Variants in MCF2L2 observed in about 807,000 individuals in gnomAD.
The protein encoded by MCF2L2 is MCF.2 cell line derived transforming sequence-like 2, also known as probable guanine nucleotide exchange factor MCF2L2.
Under a neutral mutation model 150.2 loss-of-function variants are expected in MCF2L2, and 102 were observed. The ratio of observed to expected loss-of-function variants is 0.68; its 90% CI spans 0.58 to 0.80. The LOEUF is 0.80. MCF2L2 is among the 30% of genes least tolerant of loss of function. The pLI, the probability that MCF2L2 is intolerant of heterozygous loss-of-function variation, is 0.00. For synonymous variants in MCF2L2, 465 were observed against 491.3 expected, an observed-to-expected ratio of 0.95 and a Z score of 0.71; for missense variants, 1,256 against 1,372.8, an observed-to-expected ratio of 0.91 and a Z score of 1.34.
At chr3:183,379,235 CCACA>C in intron 3 of MCF2L2, 58 bp downstream of exon 3, 1 of 1,261,072 alleles carries the variant, frequency 7.9e-7, no homozygotes, top group Non-Finnish European at 1.1e-6. Context: ...CCCAGCCCTG[CCACA>C]TGGGAAGTGT....
Position 183,179,696 on chromosome 3 carries a change from G to C in MCF2L2, c.3106-4C>G, listed in dbSNP as rs367642924. 2.3e-5 allele frequency: 37 copies of C among 1,612,132 alleles called. No individual in the cohort carries two copies. In the African/African-American group the frequency reaches 3.6e-4, roughly 16 times the overall value. On this transcript the variant is annotated splice_region_variant and splice_polypyrimidine_tract_variant and intron_variant, in intron 28 of 29. Coordinates refer to ENST00000328913, the MANE Select transcript of MCF2L2 (RefSeq NM_015078.4). The surrounding 1 kb of genome is among the most constrained non-coding windows in gnomAD (Gnocchi z 4.2). ...CCGACTGGAAAAGGCCCGCGAGCTG[G>C]AAGGGAGGGGACGGGTGCACCCTCA... is the stretch of plus-strand genomic sequence containing the variant.
At position 183,179,668 on chromosome 3, in the gene MCF2L2, C is replaced by A; in HGVS notation, c.3130G>T (p.Asp1044Tyr). The change falls in exon 29 of 30, where the codon GAC (aspartate) becomes TAC (tyrosine). Residue 1044 changes from aspartate (D) to tyrosine (Y), a missense_variant. Asp to Tyr is a radical substitution (Grantham distance 160, BLOSUM62 -3). Transcript: ENST00000328913. This position sits in a 1 kb window ranked among gnomAD's most constrained non-coding sequence, Gnocchi z 4.2. ...LSLAGLFQSD[D>Y]SHETCSSKSA... ...TTGGAGGAACAGGTTTCGTGACTGT[C>A]GTCCGACTGGAAAAGGCCCGCGAGC... 1 of 1,614,092 alleles carries A rather than the reference C, an allele frequency of 6.2e-7. No individual in the cohort carries two copies.
chr3:183,355,083 TATTA>T (rs1439458322), intron 3 of MCF2L2, among the ~76,000 whole-genome samples: 4 of 150,374 alleles, frequency 2.7e-5, no homozygotes, highest in South Asian at 2.1e-4. Flanking sequence ...TTATATTATT[TATTA>T]TTTATTTTAT....
chr3:183,189,314 C>G (rs905159123), intron 27 of MCF2L2, among the ~76,000 whole-genome samples: 2 of 152,212 alleles, frequency 1.3e-5, no homozygotes, highest in East Asian at 3.9e-4. Context: ...CAAAGACTCT[C>G]ACATTTTGAG....
chr3:183,323,991 T>G (rs1410461677), intron 5 of MCF2L2, among the ~76,000 whole-genome samples: 2 of 152,154 alleles, frequency 1.3e-5, no homozygotes, highest in Admixed American at 6.5e-5. Flanking sequence ...GTTCCCAAGC[T>G]AAGGTACACC....
intron 10 of MCF2L2, among the ~76,000 whole-genome samples, chr3:183,308,835 G>A (rs1400445655): frequency 6.6e-6 from 1 of 152,218 alleles, no homozygotes; most frequent in Non-Finnish European, 1.5e-5. Context: ...GCTGGCCAGA[G>A]GCTCACACTT....
intron 3 of MCF2L2, among the ~76,000 whole-genome samples, chr3:183,356,169 TA>T (rs34297018): frequency 0.031 from 4,134 of 132,728 alleles, 165 homozygotes; most frequent in African/African-American, 0.097. Context: ...AAAATTGACT[TA>T]AAAAAAAAAA....
In MCF2L2 at chr3:183,216,570, ATATATATATATTTTTTTTTTTTTTTT is replaced by A. The variant is rs1186792523; in HGVS notation, c.2371-502_2371-477del. ...ATATATATTATATATATATATATAT[ATATATATATATTTTTTTTTTTTTTTT>A]TTTTTTTTTTTTTTTTTTTTGAGAG... On this transcript the variant is annotated intron_variant, in intron 21 of 29. Transcript: ENST00000328913. 9.5e-3 allele frequency among the ~76,000 whole-genome samples: 257 copies of A among 26,968 alleles called. 10 individuals are homozygous for A. Among genetic ancestry groups the A allele is most frequent in the African/African-American group, 0.035 (113 of 3,236 alleles). The allele number at this position is 26,968 out of a possible 152,430, so 17.7% of individuals were successfully genotyped here.
rs1281018860 is a variant in MCF2L2, at chr3:183,231,029, C to A, written c.1863-12G>T. ...CACGTATAATGCGCCTGAATCACAG[C>A]AGCAGGTGGGAGGGTGAAAGAGAGA... On this transcript the variant is annotated splice_polypyrimidine_tract_variant and intron_variant, in intron 15 of 29. Transcript: ENST00000328913. 1.2e-6 allele frequency: 2 copies of A among 1,605,840 alleles called. No homozygotes were observed. The highest frequency in any genetic ancestry group is 1.7e-5 in the Admixed American group (1 of 59,988).
chr3:183,311,297 ACCTTCATG>A (rs907366170), intron 8 of MCF2L2, among the ~76,000 whole-genome samples: 12 of 152,104 alleles, frequency 7.9e-5, no homozygotes, highest in African/African-American at 2.9e-4. Context: ...GGCTGATCTT[ACCTTCATG>A]CCTTCTTTCT....
intron 5 of MCF2L2, among the ~76,000 whole-genome samples, chr3:183,327,790 G>A (rs1730111333): frequency 6.6e-6 from 1 of 152,128 alleles, no homozygotes; most frequent in Admixed American, 6.6e-5. Context: ...CATTAAACTT[G>A]GAAGAAAATG....
intron 1 of MCF2L2, among the ~76,000 whole-genome samples, chr3:183,420,999 C>T (rs1440542380): frequency 1.6e-5 from 2 of 123,162 alleles, no homozygotes; most frequent in Admixed American, 7.3e-5. Context: ...TTTTCTTTAG[C>T]ACTTTTTGCT....
intron 7 of MCF2L2, among the ~76,000 whole-genome samples, chr3:183,317,788 C>T (rs1729658920): frequency 6.6e-6 from 1 of 152,042 alleles, no homozygotes; most frequent in South Asian, 2.1e-4. Context: ...CTGGAAAAGC[C>T]CTTCCCTGTG....
At chr3:183,268,736 A>G (rs74948314) in intron 15 of MCF2L2, among the ~76,000 whole-genome samples, 45 of 152,280 alleles carry the variant, frequency 3.0e-4, no homozygotes, top group African/African-American at 1.0e-3. Flanking sequence ...TCTTACCCCA[A>G]TTTGTCAAAT....
At position 183,389,736 on chromosome 3, in the gene MCF2L2, C is replaced by G. The variant is rs1288817462; in HGVS notation, c.120G>C (p.Glu40Asp). 5.0e-6 allele frequency: 8 copies of G among 1,614,196 alleles called. No individual in the cohort carries two copies. The highest frequency in any genetic ancestry group is 6.8e-6 in the Non-Finnish European group (8 of 1,179,988). The stretch of plus-strand genomic sequence containing the variant: ...ATTGTCTGTGAAGTTGTTCTATTAT[C>G]TCCACCGCCATCAGGGGTCTGACTT... ...QQEVRPLMAV[E>D]IIEQLHRQFA... is the part of the protein sequence containing the mutation. The change falls in exon 2 of 30, where the codon GAG (glutamate) becomes GAC (aspartate). Residue 40 changes from glutamate (E) to aspartate (D), a missense_variant. Glu to Asp is a conservative substitution (Grantham distance 45). Coordinates refer to ENST00000328913, the MANE Select transcript of MCF2L2 (RefSeq NM_015078.4).
chr3:183,231,329 G>T, intron 15 of MCF2L2: 1 of 507,538 alleles, frequency 2.0e-6, no homozygotes, highest in Non-Finnish European at 3.8e-6. Flanking sequence ...AGATGTTGGA[G>T]TCAGAAATAC....
Position 183,405,116 on chromosome 3 carries a change from T to C in MCF2L2, c.77-15337A>G, listed in dbSNP as rs58094909. Among the ~76,000 whole-genome samples, 1,354 of 152,300 alleles carry C rather than the reference T, an allele frequency of 8.9e-3. 32 individuals carry two copies. The highest frequency in any genetic ancestry group is 0.031 in the African/African-American group (1,290 of 41,558). ...AGAATATAATCTATATAATTCTATCTGTAATATGTATTATACATATAAAGA... is the reference window on the plus strand; with the variant it reads ...AGAATATAATCTATATAATTCTATCCGTAATATGTATTATACATATAAAGA... On this transcript the variant is annotated intron_variant, in intron 1 of 29. Transcript: ENST00000328913.
rs1007578132 is a variant in MCF2L2 at position 183,305,325 on chromosome 3, C to CA, written c.1113+4390_1113+4391insT. ...CTTGGCATGAAAGTCTCTGTTGACA[C>CA]TTTTTTTTTTTTTAAGTCCAGCTGC... On this transcript the variant is annotated intron_variant, in intron 10 of 29. Coordinates refer to ENST00000328913, the MANE Select transcript of MCF2L2 (RefSeq NM_015078.4). This position sits in a 1 kb window ranked among gnomAD's most constrained non-coding sequence, Gnocchi z 4.1. Among the ~76,000 whole-genome samples, 1 of 146,338 alleles carries CA rather than the reference C, an allele frequency of 6.8e-6. No individual in the cohort carries two copies. The highest frequency in any genetic ancestry group is 1.5e-5 in the Non-Finnish European group (1 of 66,116).
At chr3:183,248,138 T>C (rs1323576801) in intron 15 of MCF2L2, among the ~76,000 whole-genome samples, 2 of 152,186 alleles carry the variant, frequency 1.3e-5, no homozygotes, top group Non-Finnish European at 2.9e-5. Context: ...GTTTACTTAT[T>C]TATTAAATAT....
Sources: allele counts gnomAD v4.1 joint callset (sites outside exome capture counted in the v4.1 genomes callset), GRCh38; gene constraint gnomAD v4.1.1; non-coding constraint Gnocchi (gnomAD v3.1); transcripts MANE v1.5; gene names NCBI Gene and HGNC (gene_info 2026-07-23, HGNC 2026-07-21).